Variants in ACOXL observed in about 807,000 individuals in gnomAD.
ACOXL encodes acyl-CoA oxidase like, also known as acyl-coenzyme A oxidase-like protein.
A neutral mutation model predicts 71.9 loss-of-function variants in ACOXL; 70 were observed. The ratio of observed to expected loss-of-function variants is 0.97; its 90% CI spans 0.80 to 1.19. The LOEUF is 1.19. ACOXL is among the 50% of genes most tolerant of loss of function. The pLI, the probability that ACOXL is intolerant of heterozygous loss-of-function variation, is 0.00. For missense variants in ACOXL, 703 were observed against 736.3 expected (o/e 0.95, Z 0.52); for synonymous variants, 253 against 281.6 (o/e 0.90, Z 1.02).
chr2:110,911,029 A>C (rs550056972), intron 11 of ACOXL, among the ~76,000 whole-genome samples: 3 of 152,278 alleles, frequency 2.0e-5, no homozygotes, highest in African/African-American at 7.2e-5. Context: ...ACTTAATAGT[A>C]AGTCCTGAAA....
chr2:110,799,066 A>C lies in ACOXL; in HGVS notation c.513A>C (p.Pro171=). 1 of 1,613,888 alleles carries C rather than the reference A, an allele frequency of 6.2e-7. No individual in the cohort carries two copies. The highest frequency in any genetic ancestry group is 8.5e-7 in the Non-Finnish European group (1 of 1,179,874). Residue 171 remains proline (P), a synonymous_variant, in exon 7 of 18, where the codon CCA becomes CCC. Coordinates refer to ENST00000439055, the MANE Select transcript of ACOXL (RefSeq NM_001142807.4). ...GGGATGAAAACGGAAGCTTGTACCC[A>C]GGAGTCACAGCTATTGATATGATGT... ...PVRDENGSLY[P]GVTAIDMMYK...
At position 111,083,707 on chromosome 2, in the gene ACOXL, T is replaced by G. The variant is rs148435514; in HGVS notation, c.1441-9158T>G. Reference sequence around the variant, plus strand: ...CAAAGGTCCAGGCATACAAACACACTCATACCAGGCAAGATACTACAAGAG... The same window carrying G: ...CAAAGGTCCAGGCATACAAACACACGCATACCAGGCAAGATACTACAAGAG... On this transcript the variant is annotated intron_variant, in intron 16 of 17. Transcript: ENST00000439055. Among the ~76,000 whole-genome samples, 406 of 151,872 alleles carry G rather than the reference T, an allele frequency of 2.7e-3. 3 individuals are homozygous for G. The highest frequency in any genetic ancestry group is 7.1e-3 in the South Asian group (34 of 4,808).
At chr2:111,073,135 T>A (rs1244973683) in intron 16 of ACOXL, among the ~76,000 whole-genome samples, 1 of 152,242 alleles carries the variant, frequency 6.6e-6, no homozygotes, top group Non-Finnish European at 1.5e-5. Flanking sequence ...TGAGAGTTAT[T>A]TATAGATTCT....
Position 110,933,527 on chromosome 2 carries a change from G to A in ACOXL, c.944G>A (p.Gly315Glu), listed in dbSNP as rs771665139. Reference sequence around the variant, plus strand: ...CTCCTGGATGAGGATGTCTTCCAGGGAAAGGAGCTGGTCAACAGTCGCTCG... The same window carrying A: ...CTCCTGGATGAGGATGTCTTCCAGGAAAAGGAGCTGGTCAACAGTCGCTCG... ...GALLDEDVFQGKELVNSRSLQ... is the reference protein window; with the variant it reads ...GALLDEDVFQEKELVNSRSLQ... The change falls in exon 12 of 18, where the codon GGA becomes GAA. Residue 315 changes from glycine to glutamate, a missense_variant. Physicochemically the swap from Gly to Glu is moderately conservative, Grantham distance 98 (BLOSUM62 -2). Coordinates refer to ENST00000439055, the MANE Select transcript of ACOXL (RefSeq NM_001142807.4). 1.9e-6 allele frequency: 3 copies of A among 1,614,192 alleles called. No individual in the cohort carries two copies. In the South Asian group the frequency reaches 3.3e-5, roughly 18 times the overall value.
intron 1 of ACOXL, among the ~76,000 whole-genome samples, chr2:110,760,203 A>C (rs1680213085): frequency 6.6e-6 from 1 of 150,530 alleles, no homozygotes; most frequent in Non-Finnish European, 1.5e-5. Flanking sequence ...GCAGTGGTGC[A>C]ATCTCGGCTC....
intron 11 of ACOXL, among the ~76,000 whole-genome samples, chr2:110,911,920 A>G (rs958576272): frequency 6.6e-6 from 1 of 152,090 alleles, no homozygotes. Flanking sequence ...GAAGTAAGCT[A>G]TCCCTATTTG....
intron 9 of ACOXL, among the ~76,000 whole-genome samples, chr2:110,822,822 C>T (rs1237024759): frequency 6.6e-6 from 1 of 152,196 alleles, no homozygotes; most frequent in East Asian, 1.9e-4. Context: ...TTTAATCCTT[C>T]TCCCTCCCCA....
chr2:110,846,891 T>C (rs1419071144), intron 10 of ACOXL, among the ~76,000 whole-genome samples: 1 of 152,102 alleles, frequency 6.6e-6, no homozygotes, highest in African/African-American at 2.4e-5. Flanking sequence ...ATGGTGTAAA[T>C]GTACCAAGCA....
chr2:110,897,051 A>C (rs975153614), intron 10 of ACOXL, among the ~76,000 whole-genome samples: 2 of 152,200 alleles, frequency 1.3e-5, no homozygotes, highest in Non-Finnish European at 2.9e-5. Context: ...TGATGTATTC[A>C]AACTAGAACT....
chr2:110,936,310 A>C (rs1335013432), intron 12 of ACOXL, among the ~76,000 whole-genome samples: 1 of 152,090 alleles, frequency 6.6e-6, no homozygotes, highest in Non-Finnish European at 1.5e-5. Context: ...CTGTCACCCA[A>C]GCTGAAGTGT....
intron 12 of ACOXL, among the ~76,000 whole-genome samples, chr2:110,950,801 G>A (rs1347802439): frequency 7.0e-6 from 1 of 141,890 alleles, no homozygotes; most frequent in Non-Finnish European, 1.5e-5. Context: ...AGGAGGAAGG[G>A]TGGGGGGTGG....
At chr2:110,876,424 G>A (rs1046856338) in intron 10 of ACOXL, among the ~76,000 whole-genome samples, 1 of 152,270 alleles carries the variant, frequency 6.6e-6, no homozygotes, top group South Asian at 2.1e-4. Context: ...AGAGGCTGGG[G>A]TGCTTCCAGC....
intron 15 of ACOXL, among the ~76,000 whole-genome samples, chr2:111,047,295 CAG>C (rs2066063883): frequency 6.6e-6 from 1 of 152,164 alleles, no homozygotes; most frequent in South Asian, 2.1e-4. Context: ...AGTATGAACA[CAG>C]GGTCACCACA....
At chr2:110,785,384 G>A (rs1301679827) in intron 3 of ACOXL, among the ~76,000 whole-genome samples, 1 of 151,694 alleles carries the variant, frequency 6.6e-6, no homozygotes, top group African/African-American at 2.4e-5. Flanking sequence ...GTGTGTGTGT[G>A]TGTGTGTGTG....
intron 17 of ACOXL, chr2:111,098,429 C>T (rs1290062068): frequency 6.6e-6 from 1 of 152,146 alleles, no homozygotes; most frequent in African/African-American, 2.4e-5. Context: ...GTGGATTTGC[C>T]AAGCTTGTCC....
chr2:110,912,996 A>G (rs530895442), intron 11 of ACOXL, among the ~76,000 whole-genome samples: 41 of 152,344 alleles, frequency 2.7e-4, no homozygotes, highest in African/African-American at 9.9e-4. Flanking sequence ...ACCAATAAGC[A>G]CATGAAAAAG....
intron 16 of ACOXL, among the ~76,000 whole-genome samples, chr2:111,087,986 C>T (rs1178728779): frequency 2.6e-5 from 4 of 152,100 alleles, no homozygotes; most frequent in African/African-American, 9.7e-5. Context: ...AGGCAAAGAA[C>T]ATGAACAGAC....
chr2:110,758,397 A>C (rs1679973637), intron 1 of ACOXL, among the ~76,000 whole-genome samples: 1 of 152,110 alleles, frequency 6.6e-6, no homozygotes, highest in African/African-American at 2.4e-5. Context: ...TTCCATATGA[A>C]TTTTAAAATG....
chr2:111,009,290 G>A (rs2064022393), intron 14 of ACOXL, among the ~76,000 whole-genome samples: 1 of 152,082 alleles, frequency 6.6e-6, no homozygotes, highest in South Asian at 2.1e-4. Context: ...AAGGTAGGCA[G>A]ATCACTTGAG....
Sources: gnomAD v4.1 joint callset for allele counts (sites outside exome capture counted in the v4.1 genomes callset) on GRCh38, gnomAD v4.1.1 for gene constraint, MANE v1.5 for transcripts, NCBI Gene and HGNC (gene_info 2026-07-23, HGNC 2026-07-21) for gene names.